SLC5A4: variants seen among roughly 807,000 people sequenced by gnomAD.
The protein encoded by SLC5A4 is solute carrier family 5 member 4.
Under a neutral mutation model 70.3 loss-of-function variants are expected in SLC5A4, and 55 were observed. The ratio of observed to expected loss-of-function variants is 0.78; its 90% CI spans 0.63 to 0.98. The LOEUF (loss-of-function observed/expected upper bound fraction) is 0.98, where lower values mean the gene tolerates loss of function less well. SLC5A4 is among the 50% of genes least tolerant of loss of function. The pLI, the probability that SLC5A4 is intolerant of heterozygous loss-of-function variation, is 0.00. For missense variants in SLC5A4, 735 were observed against 839.2 expected (o/e 0.88, Z 1.53); for synonymous variants, 268 against 305.7 (o/e 0.88, Z 1.29).
chr22:32,238,717 T>G (rs5998330), intron 6 of SLC5A4, among the ~76,000 whole-genome samples: 67,469 of 152,052 alleles, frequency 0.44, 15,738 homozygotes, highest in African/African-American at 0.55. Flanking sequence ...GCCAATCTGG[T>G]TACCAAACAT....
the SLC5A4 span, chr22:32,271,501 G>C: frequency 2.8e-6 from 2 of 724,134 alleles, no homozygotes; most frequent in Non-Finnish European, 5.1e-6. Flanking sequence ...CACAACATCA[G>C]CTTCCGTGAG....
At chr22:32,240,477 C>G (rs1926454120) in intron 5 of SLC5A4, among the ~76,000 whole-genome samples, 1 of 151,840 alleles carries the variant, frequency 6.6e-6, no homozygotes, top group African/African-American at 2.4e-5. Context: ...ATATATAAAA[C>G]TAATAATGTA....
chr22:32,334,823 T>TC, the SLC5A4 span, among the ~76,000 whole-genome samples: 17 of 152,134 alleles, frequency 1.1e-4, no homozygotes, highest in Non-Finnish European at 2.5e-4. Context: ...CAAGGACATG[T>TC]CCCTTAGAAA....
chr22:32,338,157 T>A, the SLC5A4 span, among the ~76,000 whole-genome samples: 1 of 152,302 alleles, frequency 6.6e-6, no homozygotes, highest in South Asian at 2.1e-4. Flanking sequence ...TCAAGTCAGT[T>A]AAAAATGTAT....
chr22:32,218,691 T>G lies in SLC5A4; in HGVS notation c.1803A>C (p.Lys601Asn), dbSNP rs1924877247. 1.2e-6 allele frequency: 2 copies of G among 1,614,032 alleles called. No individual in the cohort carries two copies. Among genetic ancestry groups the G allele is most frequent in the South Asian group, 1.1e-5 (1 of 91,068 alleles). Reference sequence around the variant, plus strand: ...GCAAACCGCAGAACAAGTCATAAGCTTTCTTGAGGCATCCACGTGATTTCT... The same window carrying G: ...GCAAACCGCAGAACAAGTCATAAGCGTTCTTGAGGCATCCACGTGATTTCT... ...YPEKSRGCLK[K>N]AYDLFCGLQK... The change falls in exon 15 of 15, where the codon AAA becomes AAC. Residue 601 changes from lysine to asparagine, a missense_variant. Coordinates refer to ENST00000266086, the MANE Select transcript of SLC5A4 (RefSeq NM_014227.3).
At chr22:32,238,957 G>C (rs1444252167) in intron 6 of SLC5A4, 28 bp downstream of exon 6, 2 of 1,530,108 alleles carry the variant, frequency 1.3e-6, no homozygotes, top group South Asian at 1.1e-5. Flanking sequence ...AAGATAGCCT[G>C]AGTGAGCAAA....
At chr22:32,240,288 A>G (rs1186802379) in intron 5 of SLC5A4, among the ~76,000 whole-genome samples, 1 of 152,096 alleles carries the variant, frequency 6.6e-6, no homozygotes, top group Non-Finnish European at 1.5e-5. Context: ...AGGTCTAACC[A>G]TAAAAAAAGG....
the SLC5A4 span, among the ~76,000 whole-genome samples, chr22:32,308,847 TATGTATGC>T: frequency 2.6e-5 from 4 of 152,006 alleles, no homozygotes; most frequent in East Asian, 5.8e-4. Context: ...CATGTATGCA[TATGTATGC>T]ATGTGTGCAT....
At chr22:32,239,598 T>A (rs5998333) in intron 5 of SLC5A4, among the ~76,000 whole-genome samples, 28 of 24,128 alleles carry the variant, frequency 1.2e-3, no homozygotes, top group Non-Finnish European at 1.5e-3. Flanking sequence ...ATATATAAAT[T>A]ATATAAAATA....
intron 2 of SLC5A4, among the ~76,000 whole-genome samples, chr22:32,253,411 A>T (rs754997599): frequency 1.3e-5 from 2 of 152,220 alleles, no homozygotes; most frequent in African/African-American, 2.4e-5. Flanking sequence ...GGACCCATGG[A>T]GAGAGCCGGG....
the SLC5A4 span, among the ~76,000 whole-genome samples, chr22:32,323,575 G>C: frequency 6.6e-6 from 1 of 152,222 alleles, no homozygotes; most frequent in Non-Finnish European, 1.5e-5. Flanking sequence ...CTGTCTGCAG[G>C]CACGGACGGT....
the SLC5A4 span, among the ~76,000 whole-genome samples, chr22:32,330,639 GGGGCTCTGT>G: frequency 8.3e-6 from 1 of 120,580 alleles, no homozygotes; most frequent in Non-Finnish European, 1.7e-5. Flanking sequence ...GTGTGTGTTG[GGGGCTCTGT>G]ATTGGGGCTC....
At chr22:32,260,012 G>T (rs890514420), upstream of SLC5A4, among the ~76,000 whole-genome samples, 1 of 152,198 alleles carries the variant, frequency 6.6e-6, no homozygotes, top group Admixed American at 6.5e-5. Flanking sequence ...GGGGAGCAGC[G>T]AAGGCCCAGG....
At chr22:32,292,373 T>C in the SLC5A4 span, among the ~76,000 whole-genome samples, 1 of 146,482 alleles carries the variant, frequency 6.8e-6, no homozygotes, top group African/African-American at 2.5e-5. Context: ...ACACATATTT[T>C]CTAATATGTA....
At chr22:32,275,338 A>G in the SLC5A4 span, among the ~76,000 whole-genome samples, 1 of 152,172 alleles carries the variant, frequency 6.6e-6, no homozygotes, top group Non-Finnish European at 1.5e-5. Context: ...CTCGTCATTT[A>G]GCATTAGGTA....
At chr22:32,259,923 C>T (rs1385967115), upstream of SLC5A4, among the ~76,000 whole-genome samples, 2 of 152,130 alleles carry the variant, frequency 1.3e-5, no homozygotes, top group African/African-American at 2.4e-5. Context: ...CAGGGTGGAG[C>T]GGTGGGATGA....
At chr22:32,269,450 G>A in the SLC5A4 span, 14 of 504,158 alleles carry the variant, frequency 2.8e-5, no homozygotes, top group Middle Eastern at 3.1e-4. The surrounding 1 kb of genome is among the most constrained non-coding windows in gnomAD (Gnocchi z 4.1). Context: ...GTTCCTGCAC[G>A]GCTACTACAA....
intron 5 of SLC5A4, among the ~76,000 whole-genome samples, chr22:32,246,370 G>A (rs1002147360): frequency 6.6e-6 from 1 of 152,136 alleles, no homozygotes; most frequent in Non-Finnish European, 1.5e-5. Flanking sequence ...CATGAACTCT[G>A]AGACACCTGC....
intron 7 of SLC5A4, among the ~76,000 whole-genome samples, 169 bp from the exon 8 acceptor site, chr22:32,235,262 G>C (rs1202144276): frequency 6.6e-6 from 1 of 152,098 alleles, no homozygotes; most frequent in Non-Finnish European, 1.5e-5. Context: ...GCTGGCATTG[G>C]CCATGCTACC....
Sources: gnomAD v4.1 joint callset for allele counts (sites outside exome capture counted in the v4.1 genomes callset) on GRCh38, gnomAD v4.1.1 for gene constraint, Gnocchi (gnomAD v3.1) non-coding constraint, MANE v1.5 for transcripts, NCBI Gene and HGNC (gene_info 2026-07-23, HGNC 2026-07-21) for gene names.